The following MTPN variants were observed in gnomAD, a reference collection of about 807,000 sequenced individuals.
MTPN encodes the protein granule cell differentiation protein.
Under a neutral mutation model 13.5 loss-of-function variants are expected in MTPN, and 2 were observed. The observed-to-expected ratio is 0.15, with a 90% CI of 0.06 to 0.47. The LOEUF (loss-of-function observed/expected upper bound fraction) is 0.47, where lower values mean the gene tolerates loss of function less well. MTPN is among the 20% of genes least tolerant of loss of function. MTPN has a pLI of 0.97. For synonymous variants in MTPN, 46 were observed against 51.7 expected (o/e 0.89, Z 0.48); for missense variants, 79 against 137.9 (o/e 0.57, Z 2.14).
Position 135,929,781 on chromosome 7 carries a change from G to A in MTPN, c.*145C>T, listed in dbSNP as rs113407154. ...AAACAATTTTTTTTTTCTGGTAGTC[G>A]GATTTGTTATGAATTTCTCTCTCCC... On this transcript the variant is annotated 3_prime_UTR_variant, in exon 4 of 4. Coordinates refer to ENST00000393085, the MANE Select transcript of MTPN (RefSeq NM_145808.4). 18 of 771,100 alleles carry A rather than the reference G, an allele frequency of 2.3e-5. No individual in the cohort carries two copies. The highest frequency in any genetic ancestry group is 3.6e-4 in the Middle Eastern group (1 of 2,798). The allele number at this position is 771,100 out of a possible 1,614,324, so 47.8% of individuals were successfully genotyped here.
rs1798982621 is a variant in MTPN at position 135,929,576 on chromosome 7, C to G, written c.*350G>C. 4.2e-6 allele frequency: 1 copy of G among 236,714 alleles called. No individual in the cohort carries two copies. Among genetic ancestry groups the G allele is most frequent in the Admixed American group, 5.1e-5 (1 of 19,752 alleles). The allele number at this position is 236,714 out of a possible 1,614,324, so 14.7% of individuals were successfully genotyped here. A position where few individuals can be genotyped will look rare whatever the true frequency, so the allele number is the denominator to read the frequency against. On this transcript the variant is annotated 3_prime_UTR_variant, in exon 4 of 4. Coordinates refer to ENST00000393085, the MANE Select transcript of MTPN (RefSeq NM_145808.4). ...TATGTAGAGTTGGCCTTTGTAGAAT[C>G]AGACCTTCAACACAATCTAATAAAT...
chr7:135,947,288 G>A (rs1799300563), intron 3 of MTPN, among the ~76,000 whole-genome samples: 1 of 152,044 alleles, frequency 6.6e-6, no homozygotes, highest in Non-Finnish European at 1.5e-5. Context: ...CGTGGCCTTG[G>A]ATCAGCTCTT....
chr7:135,939,849 T>A (rs1349501164), intron 3 of MTPN, among the ~76,000 whole-genome samples: 3 of 152,180 alleles, frequency 2.0e-5, no homozygotes, highest in African/African-American at 7.2e-5. Flanking sequence ...ATAGCTTTAA[T>A]ACCTAGGATA....
intron 1 of MTPN, among the ~76,000 whole-genome samples, chr7:135,972,243 A>G (rs928943789): frequency 1.5e-5 from 2 of 133,482 alleles, no homozygotes; most frequent in Non-Finnish European, 3.3e-5. Context: ...ACACACACAC[A>G]CACACACACA....
At position 135,927,439 on chromosome 7, in the gene MTPN, G is replaced by T; in HGVS notation, c.*2487C>A. On this transcript the variant is annotated 3_prime_UTR_variant, in exon 4 of 4. Transcript: ENST00000393085. ...GTACTTGATATAGTGCATATGAAAT[G>T]ACTGATTTAATACAAAACTACAGAA... The T allele has an allele frequency of 2.0e-6, 3 of 1,535,090 alleles. No homozygotes were observed. In the South Asian group the frequency reaches 3.7e-5, roughly 19 times the overall value.
intron 1 of MTPN, among the ~76,000 whole-genome samples, chr7:135,972,401 T>C (rs1361132607): frequency 6.6e-6 from 1 of 152,182 alleles, no homozygotes; most frequent in East Asian, 1.9e-4. Flanking sequence ...AACACTGTGG[T>C]AAGAAGCAAA....
At chr7:135,972,454 C>G (rs548517590) in intron 1 of MTPN, among the ~76,000 whole-genome samples, 1 of 152,262 alleles carries the variant, frequency 6.6e-6, no homozygotes, top group South Asian at 2.1e-4. Flanking sequence ...TTTCCAGTAC[C>G]TGACAATGTA....
rs1798939770 is a variant in MTPN at position 135,927,540 on chromosome 7, T to TTAGCGAAAG, written c.*2385_*2386insCTTTCGCTA. On this transcript the variant is annotated 3_prime_UTR_variant, in exon 4 of 4. Transcript: ENST00000393085. ...ACTTACTTAACCTTTCGCTAATGCATGTAGTACCAGAAAGCAAACATGGTT... is the reference window on the plus strand; with the variant it reads ...ACTTACTTAACCTTTCGCTAATGCATTAGCGAAAGGTAGTACCAGAAAGCAAACATGGTT... The TTAGCGAAAG allele has an allele frequency of 1.2e-6, 1 of 807,806 alleles. No homozygotes were observed. The highest frequency in any genetic ancestry group is 2.0e-6 in the Non-Finnish European group (1 of 490,508). The allele number at this position is 807,806 out of a possible 1,614,324, so 50.0% of individuals were successfully genotyped here.
At chr7:135,952,744 T>A (rs1257994441) in intron 1 of MTPN, among the ~76,000 whole-genome samples, 1 of 152,100 alleles carries the variant, frequency 6.6e-6, no homozygotes, top group South Asian at 2.1e-4. Context: ...GGTACATCAC[T>A]TGAGCCTAGG....
At chr7:135,953,250 CT>C (rs1368837370) in intron 1 of MTPN, among the ~76,000 whole-genome samples, 3 of 152,190 alleles carry the variant, frequency 2.0e-5, no homozygotes, top group African/African-American at 7.2e-5. Context: ...GGCAAGCTCT[CT>C]TTCTCGTAAA....
chr7:135,957,655 A>C (rs1799462612), intron 1 of MTPN, among the ~76,000 whole-genome samples: 1 of 152,196 alleles, frequency 6.6e-6, no homozygotes, highest in African/African-American at 2.4e-5. Context: ...TCTCATGTTG[A>C]AATTTGATCC....
chr7:135,958,521 G>T (rs1799477414), intron 1 of MTPN, among the ~76,000 whole-genome samples: 1 of 152,134 alleles, frequency 6.6e-6, no homozygotes, highest in African/African-American at 2.4e-5. Flanking sequence ...GCTTGTGTCT[G>T]CCCAACCTAT....
chr7:135,937,798 T>C (rs112628342), intron 3 of MTPN, among the ~76,000 whole-genome samples: 198 of 152,270 alleles, frequency 1.3e-3, no homozygotes, highest in African/African-American at 3.2e-3. Flanking sequence ...CTCAAGCTAC[T>C]TGAAGCAAAG....
At chr7:135,947,353 A>G (rs935229946) in intron 3 of MTPN, among the ~76,000 whole-genome samples, 3 of 151,958 alleles carry the variant, frequency 2.0e-5, no homozygotes, top group Non-Finnish European at 2.9e-5. Flanking sequence ...CTTTGGCCCT[A>G]CCCTGCTTGT....
At chr7:135,973,600 A>C (rs1315917020) in intron 1 of MTPN, among the ~76,000 whole-genome samples, 2 of 152,184 alleles carry the variant, frequency 1.3e-5, no homozygotes, top group Non-Finnish European at 2.9e-5. Context: ...ATGTAAGACA[A>C]AGTCAAAAAT....
intron 3 of MTPN, among the ~76,000 whole-genome samples, chr7:135,934,312 AG>A (rs774744867): frequency 9.9e-5 from 15 of 152,184 alleles, no homozygotes; most frequent in Non-Finnish European, 2.2e-4. Context: ...TAAGGACCTA[AG>A]TTCCTTCCAT....
chr7:135,954,358 ATAT>A (rs1562933471), intron 1 of MTPN, among the ~76,000 whole-genome samples: 2 of 152,238 alleles, frequency 1.3e-5, no homozygotes, highest in East Asian at 1.9e-4. Flanking sequence ...ATAATTAAAG[ATAT>A]TATTTATTGT....
Position 135,935,064 on chromosome 7 carries a change from T to C in MTPN, c.271-5052A>G, listed in dbSNP as rs1799094040. Among the ~76,000 whole-genome samples, 2 of 152,190 alleles carry C rather than the reference T, an allele frequency of 1.3e-5. 1 individual carries two copies. The highest frequency in any genetic ancestry group is 4.1e-4 in the South Asian group (2 of 4,834). On this transcript the variant is annotated intron_variant, in intron 3 of 3. Transcript: ENST00000393085. ...CCTATAAACCTTGCTCCTTTTTCAATATTCTCCAACAAGGTGAAGAACACT... is the reference window on the plus strand; with the variant it reads ...CCTATAAACCTTGCTCCTTTTTCAACATTCTCCAACAAGGTGAAGAACACT...
chr7:135,958,505 A>C (rs1029652309), intron 1 of MTPN, among the ~76,000 whole-genome samples: 1 of 152,144 alleles, frequency 6.6e-6, no homozygotes, highest in Non-Finnish European at 1.5e-5. Flanking sequence ...CTATGTTTTA[A>C]TCCTTGCTTG....
Sources: gnomAD v4.1 joint callset for allele counts (sites outside exome capture counted in the v4.1 genomes callset) on GRCh38, gnomAD v4.1.1 for gene constraint, MANE v1.5 for transcripts, NCBI Gene and HGNC (gene_info 2026-07-23, HGNC 2026-07-21) for gene names.